SORCS3: variants seen among roughly 807,000 people sequenced by gnomAD.
SORCS3 encodes the protein VPS10 domain-containing receptor SorCS3.
SORCS3 carries 57 observed loss-of-function variants against 146.3 expected under a neutral mutation model. The observed-to-expected ratio is 0.39, with a 90% confidence interval of 0.31 to 0.49. The LOEUF (loss-of-function observed/expected upper bound fraction) is 0.49. SORCS3 is among the 20% of genes least tolerant of loss of function. The probability of loss-of-function intolerance (pLI) is 0.92; values close to 1 mark genes in which losing one functional copy is unlikely to be tolerated. For missense variants in SORCS3, 1,341 were observed against 1,575.5 expected (o/e 0.85, Z 2.52); for synonymous variants, 653 against 618.5 (o/e 1.06, Z -0.83).
chr10:104,798,215 G>A (rs1033227838), intron 1 of SORCS3, among the ~76,000 whole-genome samples: 1 of 152,152 alleles, frequency 6.6e-6, no homozygotes, highest in Non-Finnish European at 1.5e-5. Context: ...GCTCTGGGGT[G>A]CCTGGGTGGT....
At chr10:104,896,133 T>A (rs765861177) in intron 2 of SORCS3, among the ~76,000 whole-genome samples, 5 of 152,158 alleles carry the variant, frequency 3.3e-5, no homozygotes, top group Non-Finnish European at 7.3e-5. Flanking sequence ...GGAGGTAAAT[T>A]GTTGCTCTAA....
At chr10:104,826,967 C>A (rs969237095) in intron 1 of SORCS3, among the ~76,000 whole-genome samples, 1 of 152,182 alleles carries the variant, frequency 6.6e-6, no homozygotes, top group Admixed American at 6.5e-5. Flanking sequence ...AAACTGCTTT[C>A]TTTTCTCATC....
intron 14 of SORCS3, among the ~76,000 whole-genome samples, chr10:105,191,681 G>A (rs957540764): frequency 7.9e-5 from 12 of 152,066 alleles, no homozygotes; most frequent in East Asian, 1.9e-4. Context: ...TGTTGATTTC[G>A]GGAAGAAACT....
intron 2 of SORCS3, among the ~76,000 whole-genome samples, chr10:104,875,202 C>T (rs1460082391): frequency 6.6e-6 from 1 of 152,186 alleles, no homozygotes; most frequent in Non-Finnish European, 1.5e-5. Flanking sequence ...TATTTCCAAG[C>T]CAAGAGTGTT....
chr10:105,089,263 G>A (rs2055684661), intron 5 of SORCS3, among the ~76,000 whole-genome samples: 1 of 152,200 alleles, frequency 6.6e-6, no homozygotes, highest in Admixed American at 6.5e-5. Flanking sequence ...TAAAGAAGGA[G>A]ACCTAGGATT....
intron 1 of SORCS3, among the ~76,000 whole-genome samples, chr10:104,692,074 T>G (rs1306055520): frequency 6.6e-6 from 1 of 152,132 alleles, no homozygotes; most frequent in Non-Finnish European, 1.5e-5. Context: ...TAGGTAACTG[T>G]CTATAGGCTC....
At chr10:104,883,033 C>A (rs7068414) in intron 2 of SORCS3, among the ~76,000 whole-genome samples, 1 of 152,038 alleles carries the variant, frequency 6.6e-6, no homozygotes, top group African/African-American at 2.4e-5. Flanking sequence ...GCTGTGCCAC[C>A]TGCCAGTCAA....
rs777666813 is a variant in SORCS3 at position 105,180,421 on chromosome 10, C to T, written c.2009+2248C>T. On this transcript the variant is annotated intron_variant, in intron 14 of 26. Transcript: ENST00000369701. Reference sequence around the variant, plus strand: ...TGGCATGTTGTAGGAAGTCAGTAATCGTTGAATGAATGAATGATTCCAAGG... The same window carrying T: ...TGGCATGTTGTAGGAAGTCAGTAATTGTTGAATGAATGAATGATTCCAAGG... Among the ~76,000 whole-genome samples, 7 of 152,070 alleles carry T rather than the reference C, an allele frequency of 4.6e-5. No individual in the cohort carries two copies. The East Asian group carries it at 5.8e-4, about 13-fold the overall frequency.
At chr10:105,062,942 C>T (rs1312664920) in intron 5 of SORCS3, among the ~76,000 whole-genome samples, 3 of 152,124 alleles carry the variant, frequency 2.0e-5, no homozygotes, top group Admixed American at 6.5e-5. Flanking sequence ...GGCTTGTCAC[C>T]TCACGTATGG....
chr10:105,073,618 G>A (rs1002994355), intron 5 of SORCS3, among the ~76,000 whole-genome samples: 1 of 152,134 alleles, frequency 6.6e-6, no homozygotes, highest in African/African-American at 2.4e-5. Flanking sequence ...TCCTAAGTGG[G>A]GAACTATCTT....
At chr10:104,823,224 A>G (rs995130727) in intron 1 of SORCS3, among the ~76,000 whole-genome samples, 1 of 152,154 alleles carries the variant, frequency 6.6e-6, no homozygotes, top group African/African-American at 2.4e-5. Context: ...AGGATGCACA[A>G]GTTTGGGGAA....
chr10:104,717,841 C>CA (rs1265130448), intron 1 of SORCS3, among the ~76,000 whole-genome samples: 5 of 151,658 alleles, frequency 3.3e-5, no homozygotes, highest in South Asian at 2.1e-4. Flanking sequence ...TATAAATAAG[C>CA]AAAAAAAAGT....
At chr10:104,749,413 T>C (rs1270204333) in intron 1 of SORCS3, among the ~76,000 whole-genome samples, 1 of 152,186 alleles carries the variant, frequency 6.6e-6, no homozygotes, top group African/African-American at 2.4e-5. Context: ...TAAATCTTTA[T>C]GTCTTCTTCA....
chr10:105,244,416 T>TA (rs966206473), intron 20 of SORCS3, among the ~76,000 whole-genome samples: 1 of 152,082 alleles, frequency 6.6e-6, no homozygotes, highest in Non-Finnish European at 1.5e-5. Context: ...CAACCAAACT[T>TA]AGATTGAAAA....
At chr10:104,642,022 G>GGGGGGGGGGGGGGGCCCCCCC in intron 1 of SORCS3, 68 bp downstream of exon 1, 8 of 173,330 alleles carry the variant, frequency 4.6e-5, no homozygotes, top group East Asian at 1.5e-4. Flanking sequence ...GGGTGGGTGG[G>GGGGGGGGGGGGGGGCCCCCCC]AGCGAGGGAC....
chr10:104,985,173 C>G (rs759886337), intron 4 of SORCS3, among the ~76,000 whole-genome samples: 4 of 152,170 alleles, frequency 2.6e-5, no homozygotes, highest in Non-Finnish European at 5.9e-5. Context: ...TCCAGCCCTG[C>G]AACCCTGATA....
intron 1 of SORCS3, among the ~76,000 whole-genome samples, chr10:104,827,456 T>C (rs979671700): frequency 6.6e-6 from 1 of 152,146 alleles, no homozygotes; most frequent in African/African-American, 2.4e-5. Flanking sequence ...AGCAGTAATA[T>C]TTTGAAAGAA....
intron 20 of SORCS3, among the ~76,000 whole-genome samples, chr10:105,235,813 A>G (rs936532832): frequency 1.3e-5 from 2 of 152,078 alleles, no homozygotes; most frequent in African/African-American, 4.8e-5. Flanking sequence ...AGAGCTTGAT[A>G]AAGTTATCTG....
chr10:104,966,519 G>C (rs865812387), intron 3 of SORCS3, among the ~76,000 whole-genome samples: 5 of 152,236 alleles, frequency 3.3e-5, no homozygotes, highest in Middle Eastern at 3.4e-3. Context: ...AGAAAAGTCT[G>C]TTTGCTCCTA....
Sources: gnomAD v4.1 joint callset for allele counts (sites outside exome capture counted in the v4.1 genomes callset) on GRCh38, gnomAD v4.1.1 for gene constraint, MANE v1.5 for transcripts, NCBI Gene and HGNC (gene_info 2026-07-23, HGNC 2026-07-21) for gene names.